The following OLA1 variants were observed in gnomAD, a reference collection of about 807,000 sequenced individuals.
OLA1 encodes obg-like ATPase 1.
Under a neutral mutation model 48.4 loss-of-function variants are expected in OLA1, and 14 were observed. The observed-to-expected ratio is 0.29, with a 90% CI of 0.19 to 0.45. OLA1 has a LOEUF of 0.45. Ranked by LOEUF, OLA1 falls within the 20% of genes least tolerant of loss-of-function variation. OLA1 has a pLI of 1.00. For synonymous variants in OLA1, 127 were observed against 150.4 expected, an observed-to-expected ratio of 0.84 and a Z score of 1.14; for missense variants, 325 against 467.1, an observed-to-expected ratio of 0.70 and a Z score of 2.80.
intron 3 of OLA1, among the ~76,000 whole-genome samples, chr2:174,227,933 C>T (rs1328751420): frequency 1.3e-5 from 2 of 152,088 alleles, no homozygotes; most frequent in African/African-American, 2.4e-5. Context: ...TTAGAACTCA[C>T]AAAATTGCTG....
intron 4 of OLA1, among the ~76,000 whole-genome samples, chr2:174,163,744 A>AGCAGGCACC (rs1687080654): frequency 2.2e-5 from 1 of 45,432 alleles, no homozygotes; most frequent in Admixed American, 2.2e-4. Flanking sequence ...ATATATATAT[A>AGCAGGCACC]TATATATATA....
chr2:174,202,707 G>A (rs1187624581), intron 4 of OLA1, among the ~76,000 whole-genome samples: 1 of 152,156 alleles, frequency 6.6e-6, no homozygotes, highest in African/African-American at 2.4e-5. Flanking sequence ...GACTCATCTT[G>A]TAAACAGATA....
chr2:174,154,043 T>G (rs1485617977), intron 4 of OLA1, among the ~76,000 whole-genome samples: 1 of 152,030 alleles, frequency 6.6e-6, no homozygotes, highest in East Asian at 1.9e-4. Context: ...ATTTTTTTGT[T>G]TGTTTTCAGT....
At chr2:174,231,783 A>T (rs971746906) in intron 2 of OLA1, among the ~76,000 whole-genome samples, 1 of 152,210 alleles carries the variant, frequency 6.6e-6, no homozygotes, top group Non-Finnish European at 1.5e-5. Context: ...AAAAAGAAAT[A>T]AGGAAGAAGG....
At chr2:174,118,690 T>C (rs560084889) in intron 7 of OLA1, among the ~76,000 whole-genome samples, 27 of 152,310 alleles carry the variant, frequency 1.8e-4, no homozygotes, top group Non-Finnish European at 2.9e-4. Flanking sequence ...AGTCCTGACA[T>C]ATTTGATAAA....
At chr2:174,103,141 T>C (rs566250056) in intron 7 of OLA1, among the ~76,000 whole-genome samples, 52 of 152,186 alleles carry the variant, frequency 3.4e-4, no homozygotes, top group African/African-American at 9.6e-4. Context: ...GAGAGAGAGA[T>C]GAACTACTTC....
At chr2:174,087,298 T>C (rs1558947063) in intron 7 of OLA1, among the ~76,000 whole-genome samples, 1 of 152,232 alleles carries the variant, frequency 6.6e-6, no homozygotes, top group South Asian at 2.1e-4. Flanking sequence ...AGTGCTGGGA[T>C]TGCAGGCGTG....
At chr2:174,187,121 G>T (rs1019630767) in intron 4 of OLA1, among the ~76,000 whole-genome samples, 1 of 152,152 alleles carries the variant, frequency 6.6e-6, no homozygotes, top group African/African-American at 2.4e-5. Context: ...CAACAGTTTG[G>T]TTGCAGAAAT....
At position 174,204,659 on chromosome 2, in the gene OLA1, G is replaced by GA. The variant is rs543431149; in HGVS notation, c.373+18373dup. Among the ~76,000 whole-genome samples the GA allele has an allele frequency of 2.2e-3, 328 of 152,094 alleles. 1 individual carries two copies. The highest frequency in any genetic ancestry group is 4.1e-3 in the Non-Finnish European group (282 of 67,990). On this transcript the variant is annotated intron_variant, in intron 4 of 10. Transcript: ENST00000284719. ...ATAAATCGTACACCATTGAGACAATGAAATATTATTCCTTCACTAAAGCTA... is the reference window on the plus strand; with the variant it reads ...ATAAATCGTACACCATTGAGACAATGAAAATATTATTCCTTCACTAAAGCTA...
chr2:174,209,477 G>C (rs1171334613), intron 4 of OLA1, among the ~76,000 whole-genome samples: 2 of 152,066 alleles, frequency 1.3e-5, no homozygotes, highest in African/African-American at 4.8e-5. Flanking sequence ...GGCCGGGCTA[G>C]GTTTCCTGAG....
intron 7 of OLA1, among the ~76,000 whole-genome samples, chr2:174,084,970 G>C (rs1684936107): frequency 6.6e-6 from 1 of 152,172 alleles, no homozygotes; most frequent in Non-Finnish European, 1.5e-5. Context: ...CCCCTAAAGA[G>C]TTAAACTGTA....
At chr2:174,184,561 C>G (rs995897797) in intron 4 of OLA1, among the ~76,000 whole-genome samples, 2 of 152,116 alleles carry the variant, frequency 1.3e-5, no homozygotes, top group African/African-American at 4.8e-5. Context: ...GGATTGAATC[C>G]TGGACCGGAA....
At chr2:174,201,086 C>A (rs1468644833) in intron 4 of OLA1, among the ~76,000 whole-genome samples, 1 of 152,126 alleles carries the variant, frequency 6.6e-6, no homozygotes, top group African/African-American at 2.4e-5. Context: ...CCTAGAAATG[C>A]TTGTCGGCAT....
intron 7 of OLA1, among the ~76,000 whole-genome samples, chr2:174,082,433 T>A (rs915078330): frequency 6.6e-6 from 1 of 152,156 alleles, no homozygotes; most frequent in Non-Finnish European, 1.5e-5. Context: ...AAAGAAGACA[T>A]AAAGTTCTGT....
intron 7 of OLA1, among the ~76,000 whole-genome samples, chr2:174,100,565 T>G (rs552212362): frequency 6.6e-6 from 1 of 152,188 alleles, no homozygotes; most frequent in Admixed American, 6.5e-5. Flanking sequence ...CCACCACACA[T>G]AGCTAATTTT....
intron 4 of OLA1, among the ~76,000 whole-genome samples, chr2:174,210,943 T>C (rs762535063): frequency 9.2e-5 from 14 of 152,302 alleles, no homozygotes; most frequent in Non-Finnish European, 1.5e-4. Context: ...TCCCTCCAGC[T>C]TTGCATCCTT....
At position 174,170,852 on chromosome 2, in the gene OLA1, C is replaced by T. The variant is rs184760356; in HGVS notation, c.374-28852G>A. Reference sequence around the variant, plus strand: ...CCAGAAGTTTGAGGCTGCAGTGAACCGTGATTGTGGCACTGCACCCTAGCC... The same window carrying T: ...CCAGAAGTTTGAGGCTGCAGTGAACTGTGATTGTGGCACTGCACCCTAGCC... On this transcript the variant is annotated intron_variant, in intron 4 of 10. Coordinates refer to ENST00000284719, the MANE Select transcript of OLA1 (RefSeq NM_013341.5). Among the ~76,000 whole-genome samples, 373 of 152,260 alleles carry T rather than the reference C, an allele frequency of 2.4e-3. 2 individuals carry two copies. Among genetic ancestry groups the T allele is most frequent in the African/African-American group, 8.6e-3 (359 of 41,536 alleles).
chr2:174,209,796 G>A lies in OLA1; in HGVS notation c.373+13237C>T, dbSNP rs867323994. Among the ~76,000 whole-genome samples the A allele has an allele frequency of 1.6e-4, 25 of 152,276 alleles. No individual in the cohort carries two copies. The Middle Eastern group carries it at 0.01, about 62-fold the overall frequency. ...AAATAAATTGATGTAATTATAAAAT[G>A]ATATATTTTTAGAATAGTAATTTCA... On this transcript the variant is annotated intron_variant, in intron 4 of 10. Transcript: ENST00000284719.
chr2:174,121,791 G>T (rs933520919), intron 7 of OLA1, among the ~76,000 whole-genome samples: 3 of 152,106 alleles, frequency 2.0e-5, no homozygotes, highest in Non-Finnish European at 4.4e-5. Context: ...CTGGGAAATG[G>T]TATTTACTAT....
Sources: allele counts gnomAD v4.1 joint callset (sites outside exome capture counted in the v4.1 genomes callset), GRCh38; gene constraint gnomAD v4.1.1; transcripts MANE v1.5; gene names NCBI Gene and HGNC (gene_info 2026-07-23, HGNC 2026-07-21).